The following GPC6 variants were observed in gnomAD, a reference collection of about 807,000 sequenced individuals.
GPC6 encodes the protein glypican 6, also known as glypican-6.
A neutral mutation model predicts 55.2 loss-of-function variants in GPC6; 14 were observed. That is an observed-to-expected ratio of 0.25 (90% CI 0.17 to 0.40). The LOEUF is 0.40. Ranked by LOEUF, GPC6 falls within the 10% of genes least tolerant of loss-of-function variation. GPC6 has a pLI of 1.00. For missense variants in GPC6, 641 were observed against 708.5 expected (o/e 0.90, Z 1.08); for synonymous variants, 278 against 259.6 (o/e 1.07, Z -0.68).
At chr13:93,687,255 C>A (rs772205978) in intron 2 of GPC6, among the ~76,000 whole-genome samples, 4 of 151,988 alleles carry the variant, frequency 2.6e-5, no homozygotes, top group Non-Finnish European at 4.4e-5. Flanking sequence ...TCAATTCTGT[C>A]CCCCTCATCT....
intron 4 of GPC6, among the ~76,000 whole-genome samples, chr13:94,079,616 A>T (rs967027273): frequency 2.0e-5 from 3 of 152,300 alleles, no homozygotes; most frequent in Admixed American, 6.5e-5. Flanking sequence ...CTAATAGGAC[A>T]TTTCAAGTGT....
intron 1 of GPC6, among the ~76,000 whole-genome samples, chr13:93,313,132 G>C (rs895909694): frequency 6.6e-6 from 1 of 152,096 alleles, no homozygotes; most frequent in Non-Finnish European, 1.5e-5. Context: ...CCCTATACTT[G>C]TTTATCTATT....
intron 7 of GPC6, among the ~76,000 whole-genome samples, chr13:94,384,046 A>G (rs947097098): frequency 2.6e-5 from 4 of 152,174 alleles, no homozygotes; most frequent in Non-Finnish European, 5.9e-5. Context: ...GCAATTCAAG[A>G]TGGGAATTGG....
At chr13:94,402,237 T>G (rs977518992) in intron 8 of GPC6, among the ~76,000 whole-genome samples, 1 of 152,192 alleles carries the variant, frequency 6.6e-6, no homozygotes, top group African/African-American at 2.4e-5. Flanking sequence ...TTCCTCTATT[T>G]TTCTTTTAAA....
chr13:93,772,513 G>A (rs1885335247), intron 2 of GPC6, among the ~76,000 whole-genome samples: 2 of 151,990 alleles, frequency 1.3e-5, no homozygotes, highest in South Asian at 2.1e-4. Flanking sequence ...TGAGCAGAGA[G>A]GCATCATTGA....
chr13:93,948,388 T>G (rs140729039), intron 3 of GPC6, among the ~76,000 whole-genome samples: 1 of 152,336 alleles, frequency 6.6e-6, no homozygotes, highest in East Asian at 1.9e-4. Context: ...ATTATTCTTG[T>G]AGGCCATCTT....
chr13:93,466,851 A>G (rs1467946117), intron 1 of GPC6, among the ~76,000 whole-genome samples: 3 of 152,208 alleles, frequency 2.0e-5, no homozygotes, highest in African/African-American at 7.2e-5. Flanking sequence ...ATCAGTTACA[A>G]TCTGTTCTTC....
At chr13:94,127,789 G>C (rs1356912500) in intron 4 of GPC6, among the ~76,000 whole-genome samples, 1 of 152,170 alleles carries the variant, frequency 6.6e-6, no homozygotes, top group Admixed American at 6.6e-5. Flanking sequence ...GACTGGTTTA[G>C]TGTTACCAGG....
intron 4 of GPC6, among the ~76,000 whole-genome samples, chr13:94,057,329 G>A (rs568748127): frequency 1.6e-4 from 24 of 152,116 alleles, no homozygotes; most frequent in African/African-American, 4.6e-4. Flanking sequence ...AGTTCTATTC[G>A]GGAGTGAAAA....
intron 2 of GPC6, among the ~76,000 whole-genome samples, chr13:93,803,885 G>A (rs866333566): frequency 7.2e-5 from 11 of 152,118 alleles, no homozygotes; most frequent in African/African-American, 2.2e-4. Context: ...GATTGTCTGT[G>A]GCTGGGGTGG....
chr13:93,690,506 A>G (rs1882220566), intron 2 of GPC6, among the ~76,000 whole-genome samples: 1 of 151,874 alleles, frequency 6.6e-6, no homozygotes, highest in Non-Finnish European at 1.5e-5. Flanking sequence ...TCTGATTCTA[A>G]AACTGATTTT....
At chr13:94,327,278 G>A (rs1046371834) in intron 6 of GPC6, among the ~76,000 whole-genome samples, 6 of 152,158 alleles carry the variant, frequency 3.9e-5, no homozygotes, top group African/African-American at 9.7e-5. Context: ...ACTGCATGGC[G>A]GACGGGGCTT....
intron 2 of GPC6, among the ~76,000 whole-genome samples, chr13:93,781,842 A>G (rs1594452078): frequency 1.3e-5 from 2 of 152,264 alleles, no homozygotes; most frequent in East Asian, 3.9e-4. Flanking sequence ...GACAAAAATT[A>G]TATGTTTATG....
At chr13:93,872,271 G>A (rs181521214) in intron 3 of GPC6, among the ~76,000 whole-genome samples, 286 of 151,968 alleles carry the variant, frequency 1.9e-3, no homozygotes, top group African/African-American at 6.4e-3. Flanking sequence ...CACCCAAATG[G>A]ATTTTTCATA....
intron 4 of GPC6, among the ~76,000 whole-genome samples, chr13:94,033,502 G>T (rs910704188): frequency 6.6e-6 from 1 of 152,114 alleles, no homozygotes; most frequent in Non-Finnish European, 1.5e-5. Flanking sequence ...AACATTTATT[G>T]TTTCTACTGA....
intron 2 of GPC6, among the ~76,000 whole-genome samples, chr13:93,593,013 A>T (rs552565220): frequency 5.1e-4 from 77 of 152,250 alleles, no homozygotes; most frequent in Middle Eastern, 7.0e-3. Context: ...AAAGAAGTGG[A>T]TAACAATGTA....
At chr13:93,489,493 T>C (rs1289782417) in intron 1 of GPC6, among the ~76,000 whole-genome samples, 1 of 151,476 alleles carries the variant, frequency 6.6e-6, no homozygotes, top group East Asian at 2.2e-4. Flanking sequence ...AGTAGTTTTT[T>C]CCAATTCTGT....
chr13:93,504,266 C>T (rs1253779032), intron 1 of GPC6, among the ~76,000 whole-genome samples: 1 of 152,036 alleles, frequency 6.6e-6, no homozygotes, highest in Non-Finnish European at 1.5e-5. Flanking sequence ...ATTTTCCCTT[C>T]AAAAGTTATT....
At chr13:94,329,725 T>C (rs1359803753) in intron 6 of GPC6, among the ~76,000 whole-genome samples, 3 of 152,134 alleles carry the variant, frequency 2.0e-5, no homozygotes, top group African/African-American at 7.2e-5. Flanking sequence ...TGTCTGATAA[T>C]TTCCCAATAT....
Sources: gnomAD v4.1 joint callset for allele counts (sites outside exome capture counted in the v4.1 genomes callset) on GRCh38, gnomAD v4.1.1 for gene constraint, MANE v1.5 for transcripts, NCBI Gene and HGNC (gene_info 2026-07-23, HGNC 2026-07-21) for gene names.